The following AMN1 variants were observed in gnomAD, a reference collection of about 807,000 sequenced individuals.
AMN1 encodes the protein antagonist of mitotic exit network 1 homolog, also known as protein AMN1 homolog.
In AMN1, 20 loss-of-function variants were observed where a neutral mutation model predicts 33.0. That is an observed-to-expected ratio of 0.61 (90% CI 0.43 to 0.88). The LOEUF (loss-of-function observed/expected upper bound fraction) is 0.88. Ranked by LOEUF, AMN1 falls within the 40% of genes least tolerant of loss-of-function variation. The pLI, the probability that AMN1 is intolerant of heterozygous loss-of-function variation, is 0.00. For synonymous variants in AMN1, 114 were observed against 111.9 expected (o/e 1.02, Z -0.12); for missense variants, 246 against 307.4 (o/e 0.80, Z 1.49).
At chr12:31,690,794 A>G (rs1020508942) in intron 5 of AMN1, among the ~76,000 whole-genome samples, 14 of 152,148 alleles carry the variant, frequency 9.2e-5, no homozygotes, top group African/African-American at 3.1e-4. Context: ...ATCAAATGGT[A>G]AAATTATAAA....
intron 1 of AMN1, among the ~76,000 whole-genome samples, chr12:31,724,145 G>A (rs1391467932): frequency 6.6e-6 from 1 of 152,116 alleles, no homozygotes; most frequent in East Asian, 1.9e-4. Context: ...CATTTACTAT[G>A]CAGACATACC....
intron 1 of AMN1, among the ~76,000 whole-genome samples, chr12:31,712,532 C>T (rs1389044520): frequency 2.0e-5 from 3 of 152,190 alleles, no homozygotes; most frequent in African/African-American, 7.2e-5. Flanking sequence ...AGGCATGAGC[C>T]ACCGTACCCA....
At chr12:31,713,618 C>G (rs940258947) in intron 1 of AMN1, among the ~76,000 whole-genome samples, 15 of 152,152 alleles carry the variant, frequency 9.9e-5, no homozygotes, top group Admixed American at 9.8e-4. Context: ...AGACAGGAGG[C>G]TCACTTGAGC....
chr12:31,701,750 C>G lies in AMN1; in HGVS notation c.316+113G>C, dbSNP rs1283642292. On this transcript the variant is annotated intron_variant, in intron 3 of 6. Transcript: ENST00000281471. ...AATGTTTTTACTGATAAATATAATT[C>G]ATATTTCTCTGACTTCTTCATACTC... is the stretch of plus-strand genomic sequence containing the variant. 1.0e-5 allele frequency: 9 copies of G among 872,798 alleles called. No homozygotes were observed. The African/African-American group carries it at 1.2e-4, about 12-fold the overall frequency. 54.1% of individuals were successfully genotyped at this position (872,798 alleles called of 1,614,324 possible). A position where few individuals can be genotyped will look rare whatever the true frequency, so the allele number is the denominator to read the frequency against.
intron 6 of AMN1, among the ~76,000 whole-genome samples, chr12:31,685,670 G>A (rs138829822): frequency 5.3e-5 from 8 of 151,932 alleles, no homozygotes; most frequent in East Asian, 3.9e-4. Context: ...ACCTGGTGGC[G>A]GGCGTCTGTA....
chr12:31,717,468 C>A (rs889417483), intron 1 of AMN1, among the ~76,000 whole-genome samples: 1 of 152,196 alleles, frequency 6.6e-6, no homozygotes, highest in Admixed American at 6.5e-5. Context: ...TGGGTATATA[C>A]CCAGTAATGG....
In AMN1 at chr12:31,687,107, C is replaced by T. The variant is rs1308959587; in HGVS notation, c.703+1900G>A. Among the ~76,000 whole-genome samples, 1 of 151,972 alleles carries T rather than the reference C, an allele frequency of 6.6e-6. No homozygotes were observed. Among genetic ancestry groups the T allele is most frequent in the Non-Finnish European group, 1.5e-5 (1 of 68,006 alleles). On this transcript the variant is annotated intron_variant, in intron 6 of 6. Transcript: ENST00000281471. This position sits in a 1 kb window ranked among gnomAD's most constrained non-coding sequence, Gnocchi z 4.1. ...CTCACTGCAGCTTCGACCTCCCAGGCTTAAGTGATCCACCCACCTTAGCCT... is the reference window on the plus strand; with the variant it reads ...CTCACTGCAGCTTCGACCTCCCAGGTTTAAGTGATCCACCCACCTTAGCCT...
At chr12:31,728,129 T>C (rs1168148617) in intron 1 of AMN1, among the ~76,000 whole-genome samples, 1 of 152,150 alleles carries the variant, frequency 6.6e-6, no homozygotes, top group African/African-American at 2.4e-5. Context: ...CCAAGTTTAA[T>C]GTAAAATATC....
intron 5 of AMN1, among the ~76,000 whole-genome samples, chr12:31,689,568 C>G (rs1938412303): frequency 6.6e-6 from 1 of 152,090 alleles, no homozygotes; most frequent in African/African-American, 2.4e-5. Flanking sequence ...AGTTCAGACC[C>G]TTTGGCAAAC....
intron 6 of AMN1, chr12:31,673,689 A>G: frequency 2.5e-6 from 1 of 405,350 alleles, no homozygotes; most frequent in Non-Finnish European, 4.9e-6. Context: ...AACTGCAGAC[A>G]AGGATCTTTT....
intron 1 of AMN1, among the ~76,000 whole-genome samples, chr12:31,725,083 C>T (rs1003081160): frequency 2.0e-5 from 3 of 152,150 alleles, no homozygotes; most frequent in African/African-American, 7.2e-5. Flanking sequence ...GTGGGTGCTT[C>T]TCCCCCCACA....
At chr12:31,720,780 C>T (rs895661701) in intron 1 of AMN1, among the ~76,000 whole-genome samples, 1 of 152,172 alleles carries the variant, frequency 6.6e-6, no homozygotes, top group Non-Finnish European at 1.5e-5. Context: ...TTCAACTATA[C>T]AAATATACCA....
chr12:31,691,126 A>T (rs1054220152), intron 5 of AMN1, among the ~76,000 whole-genome samples: 2 of 127,706 alleles, frequency 1.6e-5, no homozygotes, highest in Middle Eastern at 3.4e-3. Flanking sequence ...TGATAGAGCA[A>T]GACTCCGTCT....
chr12:31,694,430 G>A (rs1231128833), intron 5 of AMN1, among the ~76,000 whole-genome samples: 2 of 118,872 alleles, frequency 1.7e-5, no homozygotes, highest in East Asian at 2.8e-4. Context: ...CCACAAGAGC[G>A]AAACTCTGTC....
intron 6 of AMN1, among the ~76,000 whole-genome samples, chr12:31,678,452 A>C (rs1168906911): frequency 6.6e-6 from 1 of 151,710 alleles, no homozygotes; most frequent in South Asian, 2.1e-4. Context: ...GCTGGAGTGC[A>C]ATGGTGTCAT....
At chr12:31,703,498 T>C (rs953158365) in intron 2 of AMN1, among the ~76,000 whole-genome samples, 2 of 152,198 alleles carry the variant, frequency 1.3e-5, no homozygotes, top group African/African-American at 4.8e-5. Flanking sequence ...CCCATCTTTA[T>C]GTCTGTGTGC....
At chr12:31,726,578 GA>G (rs1940080348) in intron 1 of AMN1, among the ~76,000 whole-genome samples, 1 of 152,176 alleles carries the variant, frequency 6.6e-6, no homozygotes, top group Admixed American at 6.5e-5. Context: ...AGGAGATAAG[GA>G]GTTTATGCAA....
chr12:31,726,170 T>C (rs897631394), intron 1 of AMN1, among the ~76,000 whole-genome samples: 8 of 150,102 alleles, frequency 5.3e-5, no homozygotes, highest in Non-Finnish European at 8.8e-5. Context: ...TCTTTTTTTT[T>C]TTTTTGGGGG....
At chr12:31,725,784 C>A (rs1314921925) in intron 1 of AMN1, among the ~76,000 whole-genome samples, 3 of 152,252 alleles carry the variant, frequency 2.0e-5, no homozygotes. Context: ...CAAGCTCCGC[C>A]TCCTGGGTTC....
Sources: gnomAD v4.1 joint callset for allele counts (sites outside exome capture counted in the v4.1 genomes callset) on GRCh38, gnomAD v4.1.1 for gene constraint, Gnocchi (gnomAD v3.1) non-coding constraint, MANE v1.5 for transcripts, NCBI Gene and HGNC (gene_info 2026-07-23, HGNC 2026-07-21) for gene names.